HECW2: variants seen among roughly 807,000 people sequenced by gnomAD.
The protein encoded by HECW2 is E3 ubiquitin-protein ligase HECW2.
A neutral mutation model predicts 175.2 loss-of-function variants in HECW2; 61 were observed. The ratio of observed to expected loss-of-function variants is 0.35; its 90% CI spans 0.28 to 0.43. The LOEUF (loss-of-function observed/expected upper bound fraction) is 0.43, where lower values mean the gene tolerates loss of function less well. HECW2 is among the 20% of genes least tolerant of loss of function. HECW2 has a pLI of 1.00. For missense variants in HECW2, 1,524 were observed against 2,000.5 expected (o/e 0.76, Z 4.54); for synonymous variants, 671 against 731.0 (o/e 0.92, Z 1.32).
intron 2 of HECW2, among the ~76,000 whole-genome samples, chr2:196,355,159 C>T (rs1693317751): frequency 6.6e-6 from 1 of 152,176 alleles, no homozygotes; most frequent in Non-Finnish European, 1.5e-5. Context: ...GCAATAGTTG[C>T]ATCCAATTTC....
intron 1 of HECW2, among the ~76,000 whole-genome samples, chr2:196,526,265 C>T (rs1427072381): frequency 2.5e-5 from 3 of 119,410 alleles, no homozygotes; most frequent in African/African-American, 7.0e-5. Context: ...TCCAGTTGAT[C>T]GCATCGGCTC....
chr2:196,252,395 T>C (rs1174132731), intron 19 of HECW2, among the ~76,000 whole-genome samples: 1 of 152,108 alleles, frequency 6.6e-6, no homozygotes, highest in Non-Finnish European at 1.5e-5. Context: ...AAATCTCATG[T>C]TTAAATATAA....
intron 1 of HECW2, among the ~76,000 whole-genome samples, chr2:196,498,953 A>C (rs1687487212): frequency 2.0e-5 from 3 of 152,140 alleles, no homozygotes; most frequent in Non-Finnish European, 4.4e-5. Flanking sequence ...CCAGAAACTG[A>C]CTCAGCACAA....
At chr2:196,357,018 C>A (rs1237608614) in intron 2 of HECW2, among the ~76,000 whole-genome samples, 1 of 152,112 alleles carries the variant, frequency 6.6e-6, no homozygotes, top group African/African-American at 2.4e-5. Context: ...CTAGACCACA[C>A]TCTGAGGATA....
chr2:196,511,480 T>G (rs542831054), intron 1 of HECW2, among the ~76,000 whole-genome samples: 1 of 152,210 alleles, frequency 6.6e-6, no homozygotes, highest in Non-Finnish European at 1.5e-5. Flanking sequence ...CCGACAAATA[T>G]GTGAGCACCT....
At chr2:196,416,350 G>GA (rs1449884769) in intron 2 of HECW2, among the ~76,000 whole-genome samples, 5 of 151,558 alleles carry the variant, frequency 3.3e-5, no homozygotes, top group Admixed American at 1.3e-4. Context: ...AGAGATAACA[G>GA]AAAAAAAAGT....
At chr2:196,490,544 T>C (rs1022546347) in intron 1 of HECW2, among the ~76,000 whole-genome samples, 18 of 152,274 alleles carry the variant, frequency 1.2e-4, no homozygotes, top group Admixed American at 5.2e-4. Context: ...AAATAGGCAG[T>C]TTCTTAAGAA....
rs958764823 is a variant in HECW2, at chr2:196,319,322, G to A, written c.1568C>T (p.Ala523Val). ...TTCTGGCTTATCCTCAAAGGAAGCA[G>A]CTTCGTGTGTGGAGGCTTCCTCATT... The part of the protein sequence containing the change: ...VENEEASTHE[A>V]ASFEDKPENL... Residue 523 changes from alanine (A) to valine (V), a missense_variant, in exon 9 of 29, where the codon GCT becomes GTT. By Grantham distance (64) the Ala-to-Val change is moderately conservative (BLOSUM62 0). This residue lies in a region of HECW2 where 604 missense variants were observed against 588.3 expected (regional missense o/e 1.03). Coordinates refer to ENST00000644978, the MANE Select transcript of HECW2 (RefSeq NM_001348768.2). The A allele has an allele frequency of 1.6e-5, 26 of 1,613,878 alleles. No individual in the cohort carries two copies. Among genetic ancestry groups the A allele is most frequent in the Non-Finnish European group, 2.2e-5 (26 of 1,179,980 alleles).
chr2:196,419,383 T>A (rs1300493730), intron 2 of HECW2, among the ~76,000 whole-genome samples: 1 of 152,204 alleles, frequency 6.6e-6, no homozygotes, highest in African/African-American at 2.4e-5. Flanking sequence ...GACAAAAGAC[T>A]GGCATGTGCA....
intron 1 of HECW2, among the ~76,000 whole-genome samples, chr2:196,565,415 TA>T (rs947543498): frequency 2.6e-5 from 4 of 152,004 alleles, no homozygotes; most frequent in African/African-American, 7.2e-5. Flanking sequence ...ATGCTAAGTT[TA>T]AAAAAAAATT....
chr2:196,550,584 A>T (rs932849698), intron 1 of HECW2, among the ~76,000 whole-genome samples: 1 of 152,228 alleles, frequency 6.6e-6, no homozygotes, highest in Admixed American at 6.5e-5. Flanking sequence ...ATTTTACCAC[A>T]TATCCTTCCA....
intron 28 of HECW2, among the ~76,000 whole-genome samples, chr2:196,211,147 C>A (rs1687268225): frequency 6.6e-6 from 1 of 151,786 alleles, no homozygotes; most frequent in Non-Finnish European, 1.5e-5. Flanking sequence ...ACCAACACAC[C>A]CCCATGACGA....
chr2:196,443,939 G>A (rs1435154741), intron 1 of HECW2, among the ~76,000 whole-genome samples: 5 of 152,200 alleles, frequency 3.3e-5, no homozygotes, highest in Middle Eastern at 3.2e-3. Context: ...GGAGGCTGAA[G>A]TGGGAGGATC....
At chr2:196,371,027 T>C (rs1693894189) in intron 2 of HECW2, among the ~76,000 whole-genome samples, 1 of 152,132 alleles carries the variant, frequency 6.6e-6, no homozygotes, top group Admixed American at 6.5e-5. Context: ...TATGAAGGTG[T>C]TTTTTTGTGT....
chr2:196,535,937 G>C (rs373398893), intron 1 of HECW2, among the ~76,000 whole-genome samples: 2 of 152,118 alleles, frequency 1.3e-5, no homozygotes, highest in South Asian at 4.2e-4. Flanking sequence ...TCTACCTCCA[G>C]GGGGATCACT....
intron 2 of HECW2, among the ~76,000 whole-genome samples, chr2:196,378,623 A>G (rs796281504): frequency 1.3e-5 from 2 of 152,350 alleles, no homozygotes; most frequent in African/African-American, 4.8e-5. Context: ...GAAAACTGTC[A>G]TTGAAAATTA....
rs577878317 is a variant in HECW2 at position 196,203,912 on chromosome 2, G to A, written c.4608-2524C>T. ...CCTGGAAACCACCATTCTACTTTGT[G>A]TCTCTATGAATTTCACTACCCTATG... is the stretch of plus-strand genomic sequence containing the variant. On this transcript the variant is annotated intron_variant, in intron 28 of 28. Transcript: ENST00000644978. 5.3e-5 allele frequency among the ~76,000 whole-genome samples: 8 copies of A among 152,174 alleles called. No homozygotes were observed. The East Asian group carries it at 9.6e-4, about 18-fold the overall frequency.
At chr2:196,303,647 T>C (rs1484257181) in intron 13 of HECW2, among the ~76,000 whole-genome samples, 1 of 152,226 alleles carries the variant, frequency 6.6e-6, no homozygotes, top group Non-Finnish European at 1.5e-5. Flanking sequence ...AGGGTGTATG[T>C]GTCCAGGAAC....
At chr2:196,527,073 C>T (rs918729712) in intron 1 of HECW2, among the ~76,000 whole-genome samples, 9 of 152,240 alleles carry the variant, frequency 5.9e-5, no homozygotes, top group Admixed American at 5.2e-4. Context: ...GCCCCTCCCC[C>T]AGCCTTGCTG....
Sources: allele counts gnomAD v4.1 joint callset (sites outside exome capture counted in the v4.1 genomes callset), GRCh38; gene constraint gnomAD v4.1.1; regional missense constraint gnomAD v4.1.1; transcripts MANE v1.5; gene names NCBI Gene and HGNC (gene_info 2026-07-23, HGNC 2026-07-21).